RGS6: variants seen among roughly 807,000 people sequenced by gnomAD.
RGS6 encodes the protein regulator of G protein signaling 6.
A neutral mutation model predicts 78.5 loss-of-function variants in RGS6; 30 were observed. The observed-to-expected ratio is 0.38, with a 90% CI of 0.29 to 0.52. The LOEUF is 0.52. RGS6 is among the 20% of genes least tolerant of loss of function. The pLI, the probability that RGS6 is intolerant of heterozygous loss-of-function variation, is 0.85. For missense variants in RGS6, 495 were observed against 609.7 expected, an observed-to-expected ratio of 0.81 and a Z score of 1.98; for synonymous variants, 206 against 206.0, an observed-to-expected ratio of 1.00 and a Z score of 0.00.
chr14:72,390,128 C>T (rs139093402), intron 3 of RGS6, among the ~76,000 whole-genome samples: 1,871 of 139,886 alleles, frequency 0.013, 48 homozygotes, highest in African/African-American at 0.047. Flanking sequence ...GACAGAGTCT[C>T]GCTCTGTCAC....
chr14:72,435,954 G>A (rs965932399), intron 3 of RGS6, among the ~76,000 whole-genome samples: 1 of 152,040 alleles, frequency 6.6e-6, no homozygotes, highest in Non-Finnish European at 1.5e-5. Context: ...GGACATCGGG[G>A]GGACATTATT....
chr14:72,441,550 C>T (rs1597560378), intron 3 of RGS6, among the ~76,000 whole-genome samples: 3 of 152,228 alleles, frequency 2.0e-5, no homozygotes, highest in South Asian at 2.1e-4. Context: ...AGGCACTGAG[C>T]GCCATCCCAG....
At position 72,566,401 on chromosome 14, in the gene RGS6, C is replaced by T. The variant is rs1323094189; in HGVS notation, c.*3934C>T. 6.6e-6 allele frequency: 1 copy of T among 152,220 alleles called. No homozygotes were observed. The highest frequency in any genetic ancestry group is 1.5e-5 in the Non-Finnish European group (1 of 68,058). 9.4% of individuals were successfully genotyped at this position (152,220 alleles called of 1,614,324 possible). ...CCCACTCACCGCATGATCACGGACT[C>T]ATCGGAATGGCCTCCTCTTAGTGCA... On this transcript the variant is annotated 3_prime_UTR_variant, in exon 18 of 18. Coordinates refer to ENST00000553525, the MANE Select transcript of RGS6 (RefSeq NM_001204424.2).
intron 3 of RGS6, among the ~76,000 whole-genome samples, chr14:72,396,177 C>T (rs2091214938): frequency 6.6e-6 from 1 of 152,218 alleles, no homozygotes. Context: ...TATTTCTCCA[C>T]ATCCTCTCCA....
At chr14:71,989,497 T>G (rs1371157196) in intron 2 of RGS6, among the ~76,000 whole-genome samples, 1 of 152,278 alleles carries the variant, frequency 6.6e-6, no homozygotes, top group Non-Finnish European at 1.5e-5. Flanking sequence ...CTGCATGTTA[T>G]ATTTGTAAAA....
the RGS6 span, chr14:72,629,671 A>G: frequency 2.0e-6 from 3 of 1,536,092 alleles, no homozygotes; most frequent in Non-Finnish European, 2.6e-6. Context: ...CACTCTATGC[A>G]CTGCCACTTG....
chr14:72,174,807 C>T (rs1019933996), intron 2 of RGS6, among the ~76,000 whole-genome samples: 29 of 152,152 alleles, frequency 1.9e-4, no homozygotes, highest in East Asian at 7.7e-4. Context: ...AGTCTGAGGT[C>T]GCAGTGATGT....
At chr14:72,472,975 C>T (rs2096126311) in intron 9 of RGS6, 22 bp downstream of exon 9, 25 of 1,543,544 alleles carry the variant, frequency 1.6e-5, no homozygotes, top group Non-Finnish European at 2.2e-5. Context: ...CTACTCAATT[C>T]TCTAGATTTT....
the RGS6 span, among the ~76,000 whole-genome samples, chr14:72,630,021 G>A: frequency 1.3e-5 from 2 of 152,150 alleles, no homozygotes; most frequent in South Asian, 4.1e-4. Context: ...AATGATCAGA[G>A]AGAACGAGAG....
intron 2 of RGS6, among the ~76,000 whole-genome samples, chr14:72,197,757 A>G (rs2153731447): frequency 6.6e-6 from 1 of 152,156 alleles, no homozygotes; most frequent in Non-Finnish European, 1.5e-5. Flanking sequence ...CCTAAACTCA[A>G]GGCATGTGGT....
intron 17 of RGS6, among the ~76,000 whole-genome samples, chr14:72,542,120 T>C (rs1454616765): frequency 6.7e-6 from 1 of 148,150 alleles, no homozygotes; most frequent in Non-Finnish European, 1.5e-5. Flanking sequence ...AAAACTAAAT[T>C]CCTAAATTCC....
intron 2 of RGS6, among the ~76,000 whole-genome samples, chr14:72,202,654 G>A (rs1464029765): frequency 6.6e-6 from 1 of 152,112 alleles, no homozygotes; most frequent in Non-Finnish European, 1.5e-5. Flanking sequence ...CCCCCAAAGT[G>A]TCTTTGCCTT....
chr14:71,914,367 G>A, the RGS6 span, among the ~76,000 whole-genome samples: 1 of 152,206 alleles, frequency 6.6e-6, no homozygotes, highest in Non-Finnish European at 1.5e-5. Flanking sequence ...TACATTTGGA[G>A]TAGAATAAAT....
At chr14:72,084,422 T>G (rs1450299439) in intron 2 of RGS6, among the ~76,000 whole-genome samples, 1 of 152,168 alleles carries the variant, frequency 6.6e-6, no homozygotes, top group Non-Finnish European at 1.5e-5. Flanking sequence ...TCCTAGAACA[T>G]CCTGGATTAA....
intron 3 of RGS6, among the ~76,000 whole-genome samples, chr14:72,418,942 T>TAGTG (rs112994487): frequency 0.085 from 12,942 of 152,238 alleles, 871 homozygotes; most frequent in African/African-American, 0.19. Flanking sequence ...ACTGAAATGA[T>TAGTG]AGTTAATCTG....
rs2078811921 is a variant in RGS6, at chr14:72,349,986, T to C, written c.85-2109T>C. On this transcript the variant is annotated intron_variant, in intron 2 of 17. Coordinates refer to ENST00000553525, the MANE Select transcript of RGS6 (RefSeq NM_001204424.2). ...ATTACCTTGAAAATGTGACCATTTT[T>C]CTAGCTCTCCTTGGCTATCAATAAA... 1.3e-5 allele frequency among the ~76,000 whole-genome samples: 2 copies of C among 152,254 alleles called. 1 individual carries two copies. Among genetic ancestry groups the C allele is most frequent in the South Asian group, 4.1e-4 (2 of 4,836 alleles).
chr14:72,242,881 C>T (rs2053276443), intron 2 of RGS6, among the ~76,000 whole-genome samples: 2 of 110,738 alleles, frequency 1.8e-5, no homozygotes, highest in Non-Finnish European at 3.3e-5. Flanking sequence ...TGGAGTCTCG[C>T]TCTGTCATCC....
the RGS6 span, among the ~76,000 whole-genome samples, chr14:71,912,246 G>A: frequency 2.2e-4 from 34 of 152,188 alleles, no homozygotes; most frequent in African/African-American, 7.5e-4. Flanking sequence ...TAGCAAGGGC[G>A]AAGTATATAA....
At chr14:72,409,491 G>T (rs1003620280) in intron 3 of RGS6, among the ~76,000 whole-genome samples, 1 of 151,148 alleles carries the variant, frequency 6.6e-6, no homozygotes, top group African/African-American at 2.4e-5. Flanking sequence ...TCGGCTTAAT[G>T]ACCTCCCAAT....
Sources: allele counts gnomAD v4.1 joint callset (sites outside exome capture counted in the v4.1 genomes callset), GRCh38; gene constraint gnomAD v4.1.1; transcripts MANE v1.5; gene names NCBI Gene and HGNC (gene_info 2026-07-23, HGNC 2026-07-21).